Variants in ADGRL3 observed in about 807,000 individuals in gnomAD.
ADGRL3 encodes the protein adhesion G protein-coupled receptor L3.
Under a neutral mutation model 153.5 loss-of-function variants are expected in ADGRL3, and 62 were observed. The ratio of observed to expected loss-of-function variants is 0.40; its 90% confidence interval spans 0.33 to 0.50. The LOEUF (loss-of-function observed/expected upper bound fraction) is 0.50. Among genes scored for constraint, ADGRL3 ranks in the 20% least tolerant of loss-of-function variants. ADGRL3 has a pLI of 0.47. For synonymous variants in ADGRL3, 710 were observed against 672.5 expected (o/e 1.06, Z -0.86); for missense variants, 1,641 against 1,859.4 (o/e 0.88, Z 2.16).
At chr4:61,289,472 A>G (rs2094086884) in intron 1 of ADGRL3, among the ~76,000 whole-genome samples, 1 of 152,058 alleles carries the variant, frequency 6.6e-6, no homozygotes, top group African/African-American at 2.4e-5. Flanking sequence ...GTAGTAGATT[A>G]TAGGAATATA....
chr4:61,235,860 C>T (rs529382402), intron 1 of ADGRL3, among the ~76,000 whole-genome samples: 35 of 152,220 alleles, frequency 2.3e-4, no homozygotes, highest in African/African-American at 7.7e-4. Context: ...ATCCTGGTCC[C>T]TGTGAAGGTT....
At chr4:61,512,902 G>T (rs940025020) in intron 3 of ADGRL3, among the ~76,000 whole-genome samples, 2 of 152,004 alleles carry the variant, frequency 1.3e-5, no homozygotes, top group African/African-American at 4.8e-5. Context: ...ATGTAGGTTA[G>T]AGTCATAGCT....
At chr4:61,832,629 A>G (rs1005194367) in intron 9 of ADGRL3, among the ~76,000 whole-genome samples, 4 of 152,116 alleles carry the variant, frequency 2.6e-5, no homozygotes, top group Non-Finnish European at 5.9e-5. Flanking sequence ...GGGACCTCCA[A>G]TAATCTACTG....
chr4:62,052,193 C>T (rs1455362723), intron 25 of ADGRL3, among the ~76,000 whole-genome samples: 1 of 151,500 alleles, frequency 6.6e-6, no homozygotes, highest in Non-Finnish European at 1.5e-5. Flanking sequence ...GACCACAAAG[C>T]CCTATACAGG....
At chr4:61,716,349 C>T (rs1376860828) in intron 6 of ADGRL3, among the ~76,000 whole-genome samples, 6 of 152,062 alleles carry the variant, frequency 3.9e-5, no homozygotes, top group Admixed American at 3.9e-4. Flanking sequence ...CATTTATTAA[C>T]ATTATCAATG....
intron 1 of ADGRL3, among the ~76,000 whole-genome samples, chr4:61,291,629 A>T (rs557627322): frequency 1.3e-4 from 19 of 143,232 alleles, no homozygotes; most frequent in African/African-American, 4.5e-4. Flanking sequence ...TATATATAAA[A>T]TATTTATTTA....
intron 1 of ADGRL3, among the ~76,000 whole-genome samples, chr4:61,204,011 TC>T (rs2148720519): frequency 6.6e-6 from 1 of 152,328 alleles, no homozygotes; most frequent in East Asian, 1.9e-4. Context: ...CTTTTTACTT[TC>T]AATAATTAAA....
chr4:61,648,370 TA>T (rs34898691), intron 5 of ADGRL3, among the ~76,000 whole-genome samples: 2 of 148,270 alleles, frequency 1.3e-5, no homozygotes, highest in African/African-American at 4.9e-5. Context: ...TTTTTTTTTT[TA>T]ATTTGAAGAC....
At chr4:62,006,153 G>A (rs577971288) in intron 21 of ADGRL3, among the ~76,000 whole-genome samples, 41 of 150,532 alleles carry the variant, frequency 2.7e-4, no homozygotes, top group African/African-American at 1.0e-3. Context: ...TCCTGCCTCA[G>A]CCTCCCAAGT....
At chr4:61,303,102 C>G (rs888220595) in intron 1 of ADGRL3, among the ~76,000 whole-genome samples, 1 of 152,178 alleles carries the variant, frequency 6.6e-6, no homozygotes. Context: ...ACTCATGTGA[C>G]TATCCAAATT....
intron 1 of ADGRL3, among the ~76,000 whole-genome samples, chr4:61,345,319 T>G (rs17090442): frequency 0.011 from 1,623 of 152,206 alleles, 30 homozygotes; most frequent in African/African-American, 0.038. Context: ...GCTTCAGTAG[T>G]GCAATTTTTC....
intron 2 of ADGRL3, among the ~76,000 whole-genome samples, chr4:61,456,089 C>A (rs187596247): frequency 1.3e-5 from 2 of 151,880 alleles, no homozygotes; most frequent in African/African-American, 4.8e-5. Context: ...GTGGCATGAG[C>A]CAATATGCCC....
At chr4:61,447,789 CCAAA>C (rs2097603711) in intron 2 of ADGRL3, among the ~76,000 whole-genome samples, 5 of 152,162 alleles carry the variant, frequency 3.3e-5, no homozygotes, top group Admixed American at 3.3e-4. Context: ...TCATTGAACA[CCAAA>C]CAGTTTAAGT....
At chr4:61,862,776 G>T (rs980590765) in intron 9 of ADGRL3, among the ~76,000 whole-genome samples, 1 of 152,090 alleles carries the variant, frequency 6.6e-6, no homozygotes, top group Admixed American at 6.6e-5. Context: ...GGACTCTTTT[G>T]AAACAAGATC....
chr4:61,765,005 A>G (rs2096959027), intron 8 of ADGRL3, among the ~76,000 whole-genome samples: 1 of 152,110 alleles, frequency 6.6e-6, no homozygotes, highest in African/African-American at 2.4e-5. Context: ...AAAAACAGGT[A>G]TAAAAGGTCT....
chr4:61,816,613 A>G (rs564396858), intron 9 of ADGRL3, among the ~76,000 whole-genome samples: 1 of 152,344 alleles, frequency 6.6e-6, no homozygotes, highest in Admixed American at 6.5e-5. Flanking sequence ...AAATAAATGT[A>G]AAATCAAACG....
intron 8 of ADGRL3, among the ~76,000 whole-genome samples, chr4:61,804,356 A>T (rs1303110439): frequency 1.3e-5 from 2 of 152,164 alleles, no homozygotes; most frequent in Non-Finnish European, 2.9e-5. Context: ...CCTCTCACAG[A>T]TCACTTGGAT....
At chr4:61,772,580 G>A (rs1278093107) in intron 8 of ADGRL3, among the ~76,000 whole-genome samples, 1 of 152,158 alleles carries the variant, frequency 6.6e-6, no homozygotes, top group East Asian at 1.9e-4. Context: ...TTGATGAAGT[G>A]TGCAGTTATG....
At chr4:61,593,735 T>G (rs1238586806) in intron 5 of ADGRL3, among the ~76,000 whole-genome samples, 1 of 152,248 alleles carries the variant, frequency 6.6e-6, no homozygotes, top group East Asian at 1.9e-4. Flanking sequence ...TTAGGATCCC[T>G]TCTTTATCCT....
Sources: allele counts gnomAD v4.1 joint callset (sites outside exome capture counted in the v4.1 genomes callset), GRCh38; gene constraint gnomAD v4.1.1; transcripts MANE v1.5; gene names NCBI Gene and HGNC (gene_info 2026-07-23, HGNC 2026-07-21).